The following SLC24A1 variants were observed in gnomAD, a reference collection of about 807,000 sequenced individuals.
SLC24A1 encodes the protein solute carrier family 24 member 1, also known as sodium/potassium/calcium exchanger 1.
A neutral mutation model predicts 88.1 loss-of-function variants in SLC24A1; 52 were observed. The ratio of observed to expected loss-of-function variants is 0.59; its 90% CI spans 0.47 to 0.74. SLC24A1 has a LOEUF of 0.74. Among genes scored for constraint, SLC24A1 ranks in the 30% least tolerant of loss-of-function variants. SLC24A1 has a pLI of 0.00. For missense variants in SLC24A1, 1,173 were observed against 1,363.3 expected (o/e 0.86, Z 2.20); for synonymous variants, 455 against 498.0 (o/e 0.91, Z 1.15).
At chr15:65,620,559 T>C (rs1178317498), upstream of SLC24A1, among the ~76,000 whole-genome samples, 2 of 152,116 alleles carry the variant, frequency 1.3e-5, no homozygotes, top group African/African-American at 4.8e-5. Context: ...CAGCCAAATT[T>C]CCTGCTGAAT....
upstream of SLC24A1, among the ~76,000 whole-genome samples, chr15:65,620,173 G>C (rs2074275169): frequency 6.6e-6 from 1 of 151,740 alleles, no homozygotes; most frequent in African/African-American, 2.4e-5. Context: ...TCTGGGCTCT[G>C]GGGATTCAGT....
In SLC24A1 at chr15:65,654,549, G is replaced by C. The variant is rs1291968660; in HGVS notation, c.*470G>C. On this transcript the variant is annotated 3_prime_UTR_variant, in exon 10 of 10. Transcript: ENST00000261892. ...CTGCAATTTTGTCTCCTCCTTTTCT[G>C]TTCAAATTGTGAGGTTCTATCAGGT... is the stretch of plus-strand genomic sequence containing the variant. 5 of 1,185,464 alleles carry C rather than the reference G, an allele frequency of 4.2e-6. No homozygotes were observed. In the African/African-American group the frequency reaches 8.2e-5, roughly 19 times the overall value. 73.4% of individuals were successfully genotyped at this position (1,185,464 alleles called of 1,614,324 possible).
chr15:65,634,740 CAAAAAAAA>C (rs5813364), intron 2 of SLC24A1, among the ~76,000 whole-genome samples: 2,821 of 90,554 alleles, frequency 0.031, 48 homozygotes, highest in Middle Eastern at 0.09. Context: ...TCAAAAGCAC[CAAAAAAAA>C]AAAAAAAAAA....
intron 2 of SLC24A1, among the ~76,000 whole-genome samples, chr15:65,635,466 A>AAG (rs2074896971): frequency 7.5e-6 from 1 of 133,018 alleles, no homozygotes; most frequent in African/African-American, 2.9e-5. Flanking sequence ...AAAAAAAAAA[A>AAG]AAAAGAAAAA....
chr15:65,625,000 C>A lies in SLC24A1; in HGVS notation c.920C>A (p.Pro307His), dbSNP rs760771112. The change falls in exon 2 of 10, where the codon CCC (proline) becomes CAC (histidine). Residue 307 changes from proline (P) to histidine (H), a missense_variant. Physicochemically the swap from Pro to His is moderately conservative, Grantham distance 77. Coordinates refer to ENST00000261892, the MANE Select transcript of SLC24A1 (RefSeq NM_004727.3). ...GLVGKSNPKT[P>H]QGTVLLHTPA... ...GTGGGAAAGAGCAACCCGAAGACTCCCCAGGGAACAGTCCTGTTGCATACC... is the reference window on the plus strand; with the variant it reads ...GTGGGAAAGAGCAACCCGAAGACTCACCAGGGAACAGTCCTGTTGCATACC... The A allele has an allele frequency of 1.9e-6, 3 of 1,610,016 alleles. No individual in the cohort carries two copies. The African/African-American group carries it at 4.0e-5, about 22-fold the overall frequency.
At chr15:65,642,865 C>G in intron 4 of SLC24A1, 1 of 498,252 alleles carries the variant, frequency 2.0e-6, no homozygotes, top group Non-Finnish European at 3.5e-6. Flanking sequence ...AGCCTTTGAT[C>G]CACCCAGCTT....
chr15:65,630,637 A>T (rs1344795423), intron 2 of SLC24A1, among the ~76,000 whole-genome samples: 1 of 152,236 alleles, frequency 6.6e-6, no homozygotes, highest in Non-Finnish European at 1.5e-5. Flanking sequence ...AGATGGTAAG[A>T]GTTGAATGCT....
chr15:65,643,603 C>T (rs2075206605), intron 4 of SLC24A1, among the ~76,000 whole-genome samples: 1 of 152,230 alleles, frequency 6.6e-6, no homozygotes, highest in South Asian at 2.1e-4. Flanking sequence ...CTTCCCTTCT[C>T]ACCTTGAAAT....
Position 65,625,062 on chromosome 15 carries a change from A to G in SLC24A1, c.982A>G (p.Met328Val), listed in dbSNP as rs972024283. 8.7e-6 allele frequency: 14 copies of G among 1,613,718 alleles called. No homozygotes were observed. The Admixed American group carries it at 1.7e-4, about 19-fold the overall frequency. ...TGAGGGGCAGGTGACAATAAGCACC[A>G]TGACAGGCAGCAGCCCAGCAGAAAC... ...TSEGQVTIST[M>V]TGSSPAETKA... Residue 328 changes from methionine to valine, a missense_variant, in exon 2 of 10, where the codon ATG becomes GTG. Coordinates refer to ENST00000261892, the MANE Select transcript of SLC24A1 (RefSeq NM_004727.3).
chr15:65,657,821 C>G (rs1265115969), downstream of SLC24A1, among the ~76,000 whole-genome samples: 3 of 152,072 alleles, frequency 2.0e-5, no homozygotes, highest in African/African-American at 7.2e-5. Context: ...AGCTGCCTAT[C>G]CCTGGGGGTT....
chr15:65,631,947 T>C (rs1284327995), intron 2 of SLC24A1, among the ~76,000 whole-genome samples: 2 of 152,192 alleles, frequency 1.3e-5, no homozygotes, highest in Non-Finnish European at 2.9e-5. Context: ...TTCTCCTGCC[T>C]CAGCCTCTCA....
Position 65,625,296 on chromosome 15 carries a change from A to G in SLC24A1, c.1216A>G (p.Thr406Ala). ...GAAGCCAACCCCAGCCATGCTCACCACTCCCTCCCCAAGCCTCACAACAGC... is the reference window on the plus strand; with the variant it reads ...GAAGCCAACCCCAGCCATGCTCACCGCTCCCTCCCCAAGCCTCACAACAGC... ...VVKPTPAMLT[T>A]PSPSLTTALL... is the part of the protein sequence containing the mutation. Residue 406 changes from threonine to alanine, a missense_variant, in exon 2 of 10, where the codon ACT (threonine) becomes GCT (alanine). By Grantham distance (58) the Thr-to-Ala change is moderately conservative. Transcript: ENST00000261892. 1.2e-6 allele frequency: 2 copies of G among 1,612,838 alleles called. No homozygotes were observed. Among genetic ancestry groups the G allele is most frequent in the Non-Finnish European group, 1.7e-6 (2 of 1,179,624 alleles).
At chr15:65,644,120 T>C (rs189946552) in intron 4 of SLC24A1, 72 of 331,392 alleles carry the variant, frequency 2.2e-4, no homozygotes, top group East Asian at 2.0e-3. Context: ...ATAAATCCTA[T>C]TTCTTGGTCC....
intron 2 of SLC24A1, 30 bp downstream of exon 2, chr15:65,626,000 GC>G (rs760836316): frequency 6.5e-7 from 1 of 1,530,978 alleles, no homozygotes; most frequent in African/African-American, 1.4e-5. Flanking sequence ...GGTTTCTCTA[GC>G]CCCTTTGAGA....
Position 65,651,765 on chromosome 15 carries a change from TGAACA to T in SLC24A1, c.2883+8_2883+12del. The T allele has an allele frequency of 2.0e-6, 3 of 1,517,490 alleles. No homozygotes were observed. The highest frequency in any genetic ancestry group is 2.7e-6 in the Non-Finnish European group (3 of 1,092,562). The allele number at this position is 1,517,490 out of a possible 1,614,324, so 94.0% of individuals were successfully genotyped here. On this transcript the variant is annotated splice_region_variant and intron_variant, in intron 8 of 9. Coordinates refer to ENST00000261892, the MANE Select transcript of SLC24A1 (RefSeq NM_004727.3). ...TGGTGTGGTGGGCTCACCAGGTGAG[TGAACA>T]GCAGGAACGAAATCCTCTACCAGCA...
upstream of SLC24A1, among the ~76,000 whole-genome samples, chr15:65,620,443 TATC>T: frequency 6.6e-6 from 1 of 152,316 alleles, no homozygotes; most frequent in Non-Finnish European, 1.5e-5. Flanking sequence ...GTAATGTCAT[TATC>T]ATCCTCATTT....
At position 65,624,118 on chromosome 15, in the gene SLC24A1, G is replaced by A. The variant is rs1200106807; in HGVS notation, c.38G>A (p.Trp13Ter). ...ATCAGGATGGGGCCGCAAGAGAGGT[G>A]GTTACTCCGGACAAAGCGGCTTCAT... ...KLIRMGPQER[W>*]LLRTKRLHWS... Residue 13 changes from tryptophan to a stop codon, truncating the protein, a stop_gained, in exon 2 of 10, where the codon TGG becomes TAG. Transcript: ENST00000261892. LOFTEE classifies it high-confidence loss of function. 1.2e-6 allele frequency: 2 copies of A among 1,610,944 alleles called. No homozygotes were observed. The highest frequency in any genetic ancestry group is 1.7e-6 in the Non-Finnish European group (2 of 1,178,750).
downstream of SLC24A1, chr15:65,659,252 A>G (rs1291218102): frequency 6.6e-6 from 1 of 151,772 alleles, no homozygotes; most frequent in Admixed American, 6.6e-5. Flanking sequence ...ATTATTCTCC[A>G]AAATGTATGG....
At chr15:65,615,731 A>AT (rs901346140) in intron 2 of SLC24A1, among the ~76,000 whole-genome samples, 2 of 151,744 alleles carry the variant, frequency 1.3e-5, no homozygotes, top group Non-Finnish European at 2.9e-5. Context: ...GTTAATTTTA[A>AT]TTTTTTTTTA....
Sources: allele counts gnomAD v4.1 joint callset (sites outside exome capture counted in the v4.1 genomes callset), GRCh38; gene constraint gnomAD v4.1.1; transcripts MANE v1.5; gene names NCBI Gene and HGNC (gene_info 2026-07-23, HGNC 2026-07-21).